The following ROBO2 variants were observed in gnomAD, a reference collection of about 807,000 sequenced individuals.
The protein encoded by ROBO2 is roundabout guidance receptor 2.
A neutral mutation model predicts 160.8 loss-of-function variants in ROBO2; 53 were observed. The ratio of observed to expected loss-of-function variants is 0.33; its 90% CI spans 0.26 to 0.41. ROBO2 has a LOEUF of 0.41. ROBO2 is among the 10% of genes least tolerant of loss of function. The probability of loss-of-function intolerance (pLI) is 1.00; values close to 1 mark genes in which losing one functional copy is unlikely to be tolerated. For missense variants in ROBO2, 1,577 were observed against 1,722.4 expected, an observed-to-expected ratio of 0.92 and a Z score of 1.49; for synonymous variants, 664 against 611.7, an observed-to-expected ratio of 1.09 and a Z score of -1.26.
At chr3:77,421,940 A>G (rs893627149) in intron 2 of ROBO2, among the ~76,000 whole-genome samples, 2 of 152,076 alleles carry the variant, frequency 1.3e-5, no homozygotes, top group African/African-American at 4.8e-5. Context: ...ATTAATTTAG[A>G]CTCCTCTAAT....
chr3:77,617,797 A>G (rs758255043), intron 22 of ROBO2, 24 bp downstream of exon 23: 6 of 1,610,392 alleles, frequency 3.7e-6, no homozygotes, highest in Non-Finnish European at 5.1e-6. Flanking sequence ...TTAAGTCAAG[A>G]GACCCATGCT....
intron 2 of ROBO2, among the ~76,000 whole-genome samples, chr3:76,173,263 T>TATAC (rs539264460): frequency 1.3e-3 from 197 of 151,674 alleles, no homozygotes; most frequent in African/African-American, 3.2e-3. Flanking sequence ...TGTATATATG[T>TATAC]ATACATACAT....
chr3:76,635,204 T>G (rs2109544379), intron 2 of ROBO2, among the ~76,000 whole-genome samples: 1 of 152,332 alleles, frequency 6.6e-6, no homozygotes. Context: ...GAAGGGTACC[T>G]GCTGCCTAAA....
At chr3:76,339,255 T>A (rs1318905417) in intron 2 of ROBO2, among the ~76,000 whole-genome samples, 1 of 152,184 alleles carries the variant, frequency 6.6e-6, no homozygotes, top group African/African-American at 2.4e-5. Context: ...CCTGATTGTG[T>A]GTACTTGTAA....
Position 76,622,310 on chromosome 3 carries a change from G to GA in ROBO2, c.110-475700dup, listed in dbSNP as rs1553840903. Among the ~76,000 whole-genome samples the GA allele has an allele frequency of 5.4e-4, 77 of 141,710 alleles. 8 individuals are homozygous for GA. Among genetic ancestry groups the GA allele is most frequent in the African/African-American group, 2.0e-3 (74 of 37,140 alleles). 93.0% of individuals were successfully genotyped at this position (141,710 alleles called of 152,430 possible). A position where few individuals can be genotyped will look rare whatever the true frequency, so the allele number is the denominator to read the frequency against. ...AGAAAGAAAGAAAGAAAGAAAGAAA[G>GA]AAAACATAGCCAGGTGTAGTGGTGC... is the stretch of plus-strand genomic sequence containing the variant. On this transcript the variant is annotated intron_variant, in intron 2 of 26. Transcript: ENST00000487694.
At chr3:77,563,560 T>C (rs1235338397) in intron 11 of ROBO2, among the ~76,000 whole-genome samples, 1 of 152,144 alleles carries the variant, frequency 6.6e-6, no homozygotes, top group East Asian at 1.9e-4. Flanking sequence ...GGGGATCCAG[T>C]TCATAACATA....
At chr3:77,587,087 A>C (rs542604093) in intron 16 of ROBO2, among the ~76,000 whole-genome samples, 1 of 152,188 alleles carries the variant, frequency 6.6e-6, no homozygotes, top group Non-Finnish European at 1.5e-5. Context: ...GCTCAGACCA[A>C]TATGGGTCAG....
chr3:76,097,444 T>C (rs953170895), intron 2 of ROBO2, among the ~76,000 whole-genome samples: 20 of 152,270 alleles, frequency 1.3e-4, no homozygotes, highest in African/African-American at 4.1e-4. Flanking sequence ...TCTGCATAGA[T>C]GAGTTCCTGG....
chr3:76,126,513 C>A (rs2070996453), intron 2 of ROBO2, among the ~76,000 whole-genome samples: 1 of 152,048 alleles, frequency 6.6e-6, no homozygotes, highest in African/African-American at 2.4e-5. Flanking sequence ...GGATTACTAT[C>A]AAGAAACATG....
rs955697511 is a variant in ROBO2, at chr3:77,439,173, T to G, written c.389-38241T>G. Among the ~76,000 whole-genome samples, 18 of 152,170 alleles carry G rather than the reference T, an allele frequency of 1.2e-4. No individual in the cohort carries two copies. In the East Asian group the frequency reaches 3.5e-3, roughly 29 times the overall value. ...AATTAAATAGACTAGAACATTCTAT[T>G]TACTATTATCCATTGTCCCTTAAAT... On this transcript the variant is annotated intron_variant, in intron 2 of 25. Transcript: ENST00000461745.
rs148548565 is a variant in ROBO2, at chr3:76,829,992, C to T, written c.110-268022C>T. Among the ~76,000 whole-genome samples, 433 of 152,192 alleles carry T rather than the reference C, an allele frequency of 2.8e-3. 2 individuals carry two copies. Among genetic ancestry groups the T allele is most frequent in the Non-Finnish European group, 4.6e-3 (310 of 67,980 alleles). ...CTAGATGCTATGTTTTTTAAGGCAC[C>T]ATCTTCAGCTCTCTTCTTTCTGTCT... On this transcript the variant is annotated intron_variant, in intron 2 of 26. Transcript: ENST00000487694.
chr3:76,173,808 G>A (rs984954724), intron 2 of ROBO2, among the ~76,000 whole-genome samples: 1 of 152,048 alleles, frequency 6.6e-6, no homozygotes, highest in South Asian at 2.1e-4. Context: ...ATCGTAAATA[G>A]TGTTGCAATA....
chr3:76,554,321 T>A (rs1217510667), intron 2 of ROBO2, among the ~76,000 whole-genome samples: 2 of 152,186 alleles, frequency 1.3e-5, no homozygotes, highest in Non-Finnish European at 2.9e-5. Flanking sequence ...TTAACAGTAA[T>A]TATCTCCAGG....
intron 2 of ROBO2, among the ~76,000 whole-genome samples, chr3:76,128,561 A>G (rs889970864): frequency 4.0e-5 from 6 of 148,432 alleles, no homozygotes; most frequent in Admixed American, 1.4e-4. Context: ...ATCTAAAAAA[A>G]GTTGATTAAA....
At chr3:75,999,518 A>T (rs900636390) in intron 2 of ROBO2, among the ~76,000 whole-genome samples, 1 of 152,172 alleles carries the variant, frequency 6.6e-6, no homozygotes, top group Admixed American at 6.5e-5. Flanking sequence ...TTCCTTAGCC[A>T]TAGGAGTTTA....
At chr3:76,817,941 C>A (rs181721681) in intron 2 of ROBO2, among the ~76,000 whole-genome samples, 16 of 149,680 alleles carry the variant, frequency 1.1e-4, no homozygotes, top group Non-Finnish European at 1.2e-4. Context: ...TTTGCAATTG[C>A]GAATTATGCT....
chr3:76,267,250 T>A (rs1222864768), intron 2 of ROBO2, among the ~76,000 whole-genome samples: 1 of 152,200 alleles, frequency 6.6e-6, no homozygotes, highest in Non-Finnish European at 1.5e-5. Flanking sequence ...GGTTATTAAC[T>A]TGCCTTTGGC....
At chr3:76,405,705 G>A (rs1234708418) in intron 2 of ROBO2, among the ~76,000 whole-genome samples, 2 of 151,620 alleles carry the variant, frequency 1.3e-5, no homozygotes, top group African/African-American at 4.8e-5. Context: ...TCTTCTACTT[G>A]TTTTTCCTCT....
chr3:76,288,608 C>A (rs1477872945), intron 2 of ROBO2, among the ~76,000 whole-genome samples: 1 of 151,984 alleles, frequency 6.6e-6, no homozygotes, highest in African/African-American at 2.4e-5. Context: ...ATGAGCACAG[C>A]ACCTGAGAGT....
Sources: gnomAD v4.1 joint callset for allele counts (sites outside exome capture counted in the v4.1 genomes callset) on GRCh38, gnomAD v4.1.1 for gene constraint, MANE v1.5 for transcripts, NCBI Gene and HGNC (gene_info 2026-07-23, HGNC 2026-07-21) for gene names.